Variants in PDE1C observed in about 807,000 individuals in gnomAD.
PDE1C encodes the protein dual specificity calcium/calmodulin-dependent 3',5'-cyclic nucleotide phosphodiesterase 1C.
In PDE1C, 62 loss-of-function variants were observed where a neutral mutation model predicts 93.1. The ratio of observed to expected loss-of-function variants is 0.67; its 90% CI spans 0.54 to 0.82. The LOEUF (loss-of-function observed/expected upper bound fraction) is 0.82. PDE1C is among the 40% of genes least tolerant of loss of function. PDE1C has a pLI of 0.00. For missense variants in PDE1C, 742 were observed against 884.6 expected (o/e 0.84, Z 2.04); for synonymous variants, 325 against 310.1 (o/e 1.05, Z -0.50).
chr7:31,985,627 T>C (rs906282068), intron 2 of PDE1C, among the ~76,000 whole-genome samples: 4 of 150,506 alleles, frequency 2.7e-5, no homozygotes, highest in Admixed American at 2.0e-4. Flanking sequence ...TGTGTCTAAG[T>C]GTTCTTATTG....
chr7:31,643,963 C>CACCCT, the PDE1C span: 1 of 1,593,132 alleles, frequency 6.3e-7, no homozygotes, highest in South Asian at 1.1e-5. Flanking sequence ...CGTAAGTGTT[C>CACCCT]ACCCTGGCAA....
intron 1 of PDE1C, among the ~76,000 whole-genome samples, chr7:32,341,125 T>C: frequency 6.6e-6 from 1 of 151,362 alleles, no homozygotes; most frequent in East Asian, 1.9e-4. Flanking sequence ...GACTCTGTAC[T>C]TTCTACTCAA....
chr7:31,927,847 A>G (rs1803607324), intron 2 of PDE1C, among the ~76,000 whole-genome samples: 1 of 152,084 alleles, frequency 6.6e-6, no homozygotes, highest in Non-Finnish European at 1.5e-5. Context: ...CAGTGCAAAA[A>G]TGCTGAAAAT....
the PDE1C span, among the ~76,000 whole-genome samples, chr7:31,657,468 C>T: frequency 1.4e-4 from 21 of 152,306 alleles, no homozygotes; most frequent in Admixed American, 2.6e-4. Context: ...TTGCATCTGA[C>T]GCTTGTAGTC....
chr7:32,238,201 C>T (rs924400696), intron 1 of PDE1C, among the ~76,000 whole-genome samples: 2 of 152,162 alleles, frequency 1.3e-5, no homozygotes, highest in African/African-American at 4.8e-5. Flanking sequence ...CTTTACACCA[C>T]CAATGTACAA....
chr7:32,106,301 C>T (rs113492400), intron 3 of PDE1C, among the ~76,000 whole-genome samples: 303 of 152,292 alleles, frequency 2.0e-3, no homozygotes, highest in Middle Eastern at 0.014. Flanking sequence ...GCCTCAGCCT[C>T]CTAAAGTACT....
chr7:32,030,814 G>T (rs1443317369), intron 2 of PDE1C, among the ~76,000 whole-genome samples: 2 of 151,998 alleles, frequency 1.3e-5, no homozygotes, highest in African/African-American at 4.8e-5. Context: ...CCTCAAGGAA[G>T]GACTATGCTC....
chr7:31,779,226 C>T (rs1376494515), intron 16 of PDE1C, among the ~76,000 whole-genome samples: 2 of 152,114 alleles, frequency 1.3e-5, no homozygotes, highest in Non-Finnish European at 1.5e-5. Flanking sequence ...AAAAGTGTGG[C>T]ATTCTGCTTT....
At chr7:31,846,232 T>C (rs1230914504) in intron 9 of PDE1C, among the ~76,000 whole-genome samples, 5 of 148,806 alleles carry the variant, frequency 3.4e-5, no homozygotes, top group African/African-American at 9.9e-5. Flanking sequence ...TCTTTTTTTT[T>C]CTTTTTTTTT....
intron 3 of PDE1C, among the ~76,000 whole-genome samples, chr7:32,088,872 G>T (rs1797290443): frequency 6.6e-6 from 1 of 152,208 alleles, no homozygotes; most frequent in Non-Finnish European, 1.5e-5. Context: ...TTGGAGCGGG[G>T]TGGCACTCTA....
intron 1 of PDE1C, among the ~76,000 whole-genome samples, chr7:32,405,542 C>T (rs1320225506): frequency 5.9e-5 from 9 of 152,124 alleles, no homozygotes; most frequent in Non-Finnish European, 1.0e-4. Flanking sequence ...CCACCGTGCC[C>T]GGCCTAACTT....
chr7:32,137,080 G>A (rs1162843372), intron 3 of PDE1C, among the ~76,000 whole-genome samples: 3 of 152,156 alleles, frequency 2.0e-5, no homozygotes, highest in Non-Finnish European at 4.4e-5. Context: ...ATCCCTGTAT[G>A]TAGTTATCCA....
chr7:31,697,225 C>A, the PDE1C span: 1 of 1,402,396 alleles, frequency 7.1e-7, no homozygotes, highest in Non-Finnish European at 9.6e-7. Flanking sequence ...CAGCAAGCTG[C>A]GTTGTCCTGA....
intron 3 of PDE1C, among the ~76,000 whole-genome samples, chr7:32,134,890 C>T (rs908978628): frequency 6.6e-6 from 1 of 152,018 alleles, no homozygotes; most frequent in African/African-American, 2.4e-5. Flanking sequence ...CAAACCTGCA[C>T]GTTCTGCACA....
chr7:32,219,186 T>C (rs1385464336), intron 1 of PDE1C, among the ~76,000 whole-genome samples: 1 of 152,134 alleles, frequency 6.6e-6, no homozygotes, highest in African/African-American at 2.4e-5. Flanking sequence ...AAAGGGTCCT[T>C]TGTGGCCTGG....
At chr7:32,386,894 T>A (rs997272287) in intron 1 of PDE1C, among the ~76,000 whole-genome samples, 3 of 151,916 alleles carry the variant, frequency 2.0e-5, no homozygotes, top group Non-Finnish European at 4.4e-5. Flanking sequence ...TTTTTTTTTT[T>A]ATTGATCATT....
chr7:32,066,907 T>C (rs979561484), intron 1 of PDE1C, among the ~76,000 whole-genome samples: 7 of 152,168 alleles, frequency 4.6e-5, no homozygotes, highest in African/African-American at 1.4e-4. Flanking sequence ...AGAGTTCCAA[T>C]TAAGAAAGCT....
At chr7:31,681,345 TTGGA>T in the PDE1C span, among the ~76,000 whole-genome samples, 57 of 144,514 alleles carry the variant, frequency 3.9e-4, 1 homozygote, top group South Asian at 9.8e-3. Flanking sequence ...CACAGTTCAG[TTGGA>T]TGGATGGATG....
chr7:31,858,690 A>G (rs1201681444), intron 7 of PDE1C, among the ~76,000 whole-genome samples: 1 of 152,156 alleles, frequency 6.6e-6, no homozygotes, highest in East Asian at 1.9e-4. Flanking sequence ...CACATATATG[A>G]CAAGTGTTGC....
Sources: gnomAD v4.1 joint callset for allele counts (sites outside exome capture counted in the v4.1 genomes callset) on GRCh38, gnomAD v4.1.1 for gene constraint, MANE v1.5 for transcripts, NCBI Gene and HGNC (gene_info 2026-07-23, HGNC 2026-07-21) for gene names.